The following ELAVL3 variants were observed in gnomAD, a reference collection of about 807,000 sequenced individuals.
ELAVL3 encodes ELAV-like protein 3.
A neutral mutation model predicts 34.2 loss-of-function variants in ELAVL3; 8 were observed. The ratio of observed to expected loss-of-function variants is 0.23; its 90% CI spans 0.14 to 0.42. ELAVL3 has a LOEUF of 0.42. Among genes scored for constraint, ELAVL3 ranks in the 10% least tolerant of loss-of-function variants. The probability of loss-of-function intolerance (pLI) is 1.00; values close to 1 mark genes in which losing one functional copy is unlikely to be tolerated. For synonymous variants in ELAVL3, 209 were observed against 222.1 expected (o/e 0.94, Z 0.53); for missense variants, 273 against 518.8 (o/e 0.53, Z 4.60).
intron 3 of ELAVL3, among the ~76,000 whole-genome samples, chr19:11,465,514 C>T (rs1971033121): frequency 6.6e-6 from 1 of 151,770 alleles, no homozygotes; most frequent in Non-Finnish European, 1.5e-5. Flanking sequence ...CCCCAATCCC[C>T]AACCCCCCAC....
intron 1 of ELAVL3, among the ~76,000 whole-genome samples, chr19:11,474,600 CA>C (rs35373148): frequency 2.5e-4 from 35 of 142,252 alleles, no homozygotes; most frequent in Non-Finnish European, 3.6e-4. Flanking sequence ...GACTCCGTCT[CA>C]AAAAAAAAAA....
intron 1 of ELAVL3, among the ~76,000 whole-genome samples, chr19:11,478,094 G>C (rs950949170): frequency 2.0e-5 from 3 of 152,172 alleles, no homozygotes; most frequent in African/African-American, 7.2e-5. Flanking sequence ...GGGACACTGA[G>C]GGTTAGTCAC....
chr19:11,456,436 A>T (rs1366514410), intron 6 of ELAVL3, among the ~76,000 whole-genome samples: 3 of 149,550 alleles, frequency 2.0e-5, no homozygotes, highest in East Asian at 2.0e-4. Context: ...AGCTTTCATC[A>T]CCATTCATTT....
At chr19:11,459,418 C>A (rs1314045855) in intron 3 of ELAVL3, among the ~76,000 whole-genome samples, 2 of 152,010 alleles carry the variant, frequency 1.3e-5, no homozygotes, top group African/African-American at 4.8e-5. Flanking sequence ...CAGGCGTGAG[C>A]CACCGCGCCT....
At chr19:11,465,094 CCA>C (rs1971010076) in intron 3 of ELAVL3, among the ~76,000 whole-genome samples, 3 of 138,168 alleles carry the variant, frequency 2.2e-5, no homozygotes, top group Non-Finnish European at 3.1e-5. Flanking sequence ...CACACACACA[CCA>C]CACACACATA....
intron 3 of ELAVL3, among the ~76,000 whole-genome samples, chr19:11,465,164 C>T (rs1460574917): frequency 1.4e-5 from 2 of 142,076 alleles, no homozygotes; most frequent in Non-Finnish European, 3.1e-5. Flanking sequence ...CACACATACA[C>T]ATACCACACA....
intron 3 of ELAVL3, among the ~76,000 whole-genome samples, chr19:11,460,725 T>C (rs923630964): frequency 1.3e-5 from 2 of 151,714 alleles, no homozygotes; most frequent in African/African-American, 2.4e-5. Flanking sequence ...AAATTTGTCC[T>C]CCCCCCACCA....
At position 11,476,992 on chromosome 19, in the gene ELAVL3, A is replaced by G. The variant is rs1194728793; in HGVS notation, c.9+3608T>C. ...CCACTCCCCTAACGAAAAGACCAGT[A>G]ATATAATAACAAAATAATAACAGCA... On this transcript the variant is annotated intron_variant, in intron 1 of 6. Coordinates refer to ENST00000359227, the MANE Select transcript of ELAVL3 (RefSeq NM_001420.4). Among the ~76,000 whole-genome samples the G allele has an allele frequency of 2.0e-5, 3 of 152,210 alleles. No individual in the cohort carries two copies. In the East Asian group the frequency reaches 5.8e-4, roughly 29 times the overall value.
rs1971359178 is a variant in ELAVL3, at chr19:11,480,620, C to T, written c.-12G>A. 6.9e-7 allele frequency: 1 copy of T among 1,451,404 alleles called. No individual in the cohort carries two copies. Among genetic ancestry groups the T allele is most frequent in the Non-Finnish European group, 9.1e-7 (1 of 1,099,430 alleles). The allele number at this position is 1,451,404 out of a possible 1,614,324, so 89.9% of individuals were successfully genotyped here. On this transcript the variant is annotated 5_prime_UTR_variant, in exon 1 of 7. Coordinates refer to ENST00000359227, the MANE Select transcript of ELAVL3 (RefSeq NM_001420.4). The surrounding 1 kb of genome is among the most constrained non-coding windows in gnomAD (Gnocchi z 6.8). ...CCTACAGTGACCATTCTTGTGTGCCCGGCGGGCGCGGTCCGTGTTGAGGGG... is the reference window on the plus strand; with the variant it reads ...CCTACAGTGACCATTCTTGTGTGCCTGGCGGGCGCGGTCCGTGTTGAGGGG...
At chr19:11,467,035 T>C (rs1202159533) in intron 1 of ELAVL3, among the ~76,000 whole-genome samples, 3 of 152,236 alleles carry the variant, frequency 2.0e-5, no homozygotes, top group Non-Finnish European at 4.4e-5. Flanking sequence ...CTGATGTTTT[T>C]ACTGCAAGAA....
chr19:11,477,002 C>A (rs943537543), intron 1 of ELAVL3, among the ~76,000 whole-genome samples: 3 of 152,110 alleles, frequency 2.0e-5, no homozygotes, highest in Admixed American at 6.6e-5. Flanking sequence ...AATATAATAA[C>A]AAAATAATAA....
chr19:11,464,143 C>CTA (rs1568381954), intron 3 of ELAVL3, among the ~76,000 whole-genome samples: 8 of 108,876 alleles, frequency 7.3e-5, no homozygotes, highest in African/African-American at 1.5e-4. Flanking sequence ...CTCTCTCTCT[C>CTA]TCTCTCTCTA....
At position 11,453,993 on chromosome 19, in the gene ELAVL3, T is replaced by C. The variant is rs1432088285; in HGVS notation, c.*533A>G. ...ATTTTGTTTCTGCTTCCAGCCCCAC[T>C]GCCTGCTCCCCCGCATTCCACCAGG... On this transcript the variant is annotated 3_prime_UTR_variant, in exon 7 of 7. Transcript: ENST00000359227. 3 of 148,664 alleles carry C rather than the reference T, an allele frequency of 2.0e-5. No individual in the cohort carries two copies. The highest frequency in any genetic ancestry group is 3.0e-5 in the Non-Finnish European group (2 of 67,238). 9.2% of individuals were successfully genotyped at this position (148,664 alleles called of 1,614,324 possible).
intron 1 of ELAVL3, among the ~76,000 whole-genome samples, chr19:11,479,998 G>A (rs1048907097): frequency 1.3e-5 from 2 of 151,106 alleles, no homozygotes; most frequent in African/African-American, 4.9e-5. Flanking sequence ...GCTGCGGCCC[G>A]CGAAGAAGCG....
chr19:11,461,115 G>A (rs998368365), intron 3 of ELAVL3, among the ~76,000 whole-genome samples: 1 of 151,830 alleles, frequency 6.6e-6, no homozygotes, highest in African/African-American at 2.4e-5. Context: ...GGAGTTAAAG[G>A]CTGCAGTGAG....
At position 11,454,769 on chromosome 19, in the gene ELAVL3, G is replaced by A. The variant is rs773924026; in HGVS notation, c.861C>T (p.Phe287=). The A allele has an allele frequency of 2.1e-5, 34 of 1,613,804 alleles. No homozygotes were observed. The highest frequency in any genetic ancestry group is 1.6e-4 in the Middle Eastern group (1 of 6,084). ...GGAAGAGWCI[F]VYNLSPEADE... ...CTGCCTCCGGTGACAGGTTGTACAC[G>A]AAGATGCACCAGCCGGCGCCCGCCG... The change falls in exon 7 of 7, where the codon TTC becomes TTT. Residue 287 remains phenylalanine, a synonymous_variant. Transcript: ENST00000359227. This position sits in a 1 kb window ranked among gnomAD's most constrained non-coding sequence, Gnocchi z 9.2.
intron 1 of ELAVL3, among the ~76,000 whole-genome samples, chr19:11,478,479 A>T (rs1971304927): frequency 6.6e-6 from 1 of 152,130 alleles, no homozygotes; most frequent in Non-Finnish European, 1.5e-5. Context: ...CATCAAAGGG[A>T]CTTCGGCGAC....
At chr19:11,462,167 T>C (rs1378825129) in intron 3 of ELAVL3, among the ~76,000 whole-genome samples, 8 of 112,250 alleles carry the variant, frequency 7.1e-5, no homozygotes, top group African/African-American at 1.4e-4. Flanking sequence ...AGAGCGAGAC[T>C]CCGTCTCAAA....
Position 11,466,645 on chromosome 19 carries a change from G to A in ELAVL3, c.192C>T (p.Asp64=). ...CCCGAACCAACTTGCAGGACTCGAT[G>A]TCGCCAATGCTGCCGAAGAGACTCT... The part of the protein sequence containing the change: ...EFKSLFGSIG[D]IESCKLVRDK... Residue 64 remains aspartate, a synonymous_variant, in exon 2 of 7, where the codon GAC becomes GAT. Coordinates refer to ENST00000359227, the MANE Select transcript of ELAVL3 (RefSeq NM_001420.4). This position sits in a 1 kb window ranked among gnomAD's most constrained non-coding sequence, Gnocchi z 5.0. 6.2e-7 allele frequency: 1 copy of A among 1,614,222 alleles called. No individual in the cohort carries two copies. Among genetic ancestry groups the A allele is most frequent in the Non-Finnish European group, 8.5e-7 (1 of 1,180,042 alleles).
Sources: gnomAD v4.1 joint callset for allele counts (sites outside exome capture counted in the v4.1 genomes callset) on GRCh38, gnomAD v4.1.1 for gene constraint, Gnocchi (gnomAD v3.1) non-coding constraint, MANE v1.5 for transcripts, NCBI Gene and HGNC (gene_info 2026-07-23, HGNC 2026-07-21) for gene names.